NKAIN3: variants seen among roughly 807,000 people sequenced by gnomAD.
NKAIN3 encodes sodium/potassium transporting ATPase interacting 3, also known as sodium/potassium-transporting ATPase subunit beta-1-interacting protein 3.
Under a neutral mutation model 30.2 loss-of-function variants are expected in NKAIN3, and 25 were observed. The ratio of observed to expected loss-of-function variants is 0.83; its 90% CI spans 0.60 to 1.16. The LOEUF is 1.16. Ranked by LOEUF, NKAIN3 falls within the 50% of genes most tolerant of loss-of-function variation. The probability of loss-of-function intolerance (pLI) is 0.00; values close to 1 mark genes in which losing one functional copy is unlikely to be tolerated. For missense variants in NKAIN3, 225 were observed against 254.1 expected, an observed-to-expected ratio of 0.89 and a Z score of 0.78; for synonymous variants, 91 against 89.6, an observed-to-expected ratio of 1.02 and a Z score of -0.09.
intron 4 of NKAIN3, among the ~76,000 whole-genome samples, chr8:62,793,459 T>C (rs1817761217): frequency 6.6e-6 from 1 of 152,216 alleles, no homozygotes; most frequent in African/African-American, 2.4e-5. Context: ...AAACCTGTTT[T>C]GAAATCCTGA....
At position 62,928,374 on chromosome 8, in the gene NKAIN3, T is replaced by C. The variant is rs543878353; in HGVS notation, c.532+9861T>C. On this transcript the variant is annotated intron_variant, in intron 5 of 6. Transcript: ENST00000623646. The stretch of plus-strand genomic sequence containing the variant: ...TCGCTGATTTTAAGTACAGAAAATC[T>C]ATATTAAAGTTAGTGGTATTTTCTG... Among the ~76,000 whole-genome samples the C allele has an allele frequency of 4.6e-5, 7 of 152,316 alleles. No homozygotes were observed. In the South Asian group the frequency reaches 1.2e-3, roughly 27 times the overall value.
intron 4 of NKAIN3, among the ~76,000 whole-genome samples, chr8:62,851,720 G>T (rs972619509): frequency 2.0e-5 from 3 of 152,016 alleles, no homozygotes; most frequent in Non-Finnish European, 4.4e-5. Context: ...ATAATTATAT[G>T]GTTTTTTCAT....
rs551156333 is a variant in NKAIN3, at chr8:62,569,803, C to T, written c.55-9736C>T. On this transcript the variant is annotated intron_variant, in intron 1 of 6. Transcript: ENST00000623646. The stretch of plus-strand genomic sequence containing the variant: ...AAAAAAAAAGCCTACTTCAGTAACC[C>T]AAGACTTATTTGAAATGGCCTAGGA... Among the ~76,000 whole-genome samples, 56 of 151,564 alleles carry T rather than the reference C, an allele frequency of 3.7e-4. 1 individual carries two copies. The highest frequency in any genetic ancestry group is 3.4e-3 in the Middle Eastern group (1 of 290).
intron 4 of NKAIN3, among the ~76,000 whole-genome samples, chr8:62,747,682 A>G (rs778189800): frequency 2.0e-5 from 3 of 152,234 alleles, no homozygotes; most frequent in African/African-American, 7.2e-5. Context: ...TGTGCCAGGG[A>G]TTCCTTAAAA....
rs937251770 is a variant in NKAIN3 at position 62,975,315 on chromosome 8, C to G, written c.*9908C>G. On this transcript the variant is annotated 3_prime_UTR_variant, in exon 7 of 7. Coordinates refer to ENST00000623646, the MANE Select transcript of NKAIN3 (RefSeq NM_001304533.3). ...TGGGCTTTTTTTTTTAGTTGGTCAGCTATTAATTACTGCCTCAATTTCAGA... is the reference window on the plus strand; with the variant it reads ...TGGGCTTTTTTTTTTAGTTGGTCAGGTATTAATTACTGCCTCAATTTCAGA... Among the ~76,000 whole-genome samples, 1 of 151,908 alleles carries G rather than the reference C, an allele frequency of 6.6e-6. No individual in the cohort carries two copies. The highest frequency in any genetic ancestry group is 1.5e-5 in the Non-Finnish European group (1 of 67,986).
intron 1 of NKAIN3, among the ~76,000 whole-genome samples, chr8:62,460,187 G>A (rs1266326147): frequency 2.7e-5 from 4 of 150,750 alleles, no homozygotes; most frequent in Non-Finnish European, 5.9e-5. Context: ...CCGAGGCAGT[G>A]GATCATCTGA....
intron 1 of NKAIN3, among the ~76,000 whole-genome samples, chr8:62,249,939 T>G (rs951024596): frequency 6.6e-6 from 1 of 152,194 alleles, no homozygotes; most frequent in African/African-American, 2.4e-5. Flanking sequence ...TGTGGTCTAT[T>G]CCATGGTCAC....
intron 4 of NKAIN3, among the ~76,000 whole-genome samples, chr8:62,789,963 G>A (rs920106899): frequency 2.0e-5 from 3 of 152,140 alleles, no homozygotes; most frequent in Non-Finnish European, 4.4e-5. Flanking sequence ...CTCATTTTAT[G>A]AGGCCAGCAT....
chr8:62,528,350 T>TATATA (rs1554543421), intron 1 of NKAIN3, among the ~76,000 whole-genome samples: 1 of 137,394 alleles, frequency 7.3e-6, no homozygotes, highest in Admixed American at 7.5e-5. Context: ...AATATATATA[T>TATATA]ATATGACTTT....
intron 1 of NKAIN3, among the ~76,000 whole-genome samples, chr8:62,555,040 A>G (rs1464597836): frequency 6.6e-6 from 1 of 151,402 alleles, no homozygotes; most frequent in Non-Finnish European, 1.5e-5. Context: ...ACACACACAC[A>G]CACACACACA....
At chr8:62,568,878 G>C (rs1809836445) in intron 1 of NKAIN3, among the ~76,000 whole-genome samples, 1 of 152,138 alleles carries the variant, frequency 6.6e-6, no homozygotes, top group Non-Finnish European at 1.5e-5. Context: ...TTTTCACCTA[G>C]AAGAGCTAGT....
intron 1 of NKAIN3, among the ~76,000 whole-genome samples, chr8:62,536,697 A>G (rs1808675589): frequency 1.3e-5 from 2 of 152,268 alleles, no homozygotes; most frequent in African/African-American, 4.8e-5. Context: ...TTTTCTTGTT[A>G]CCTGAATTAA....
chr8:62,818,050 TATC>T (rs1163002365), intron 4 of NKAIN3, among the ~76,000 whole-genome samples: 6 of 152,276 alleles, frequency 3.9e-5, no homozygotes, highest in Admixed American at 3.3e-4. Flanking sequence ...CTAGCACTAA[TATC>T]ATTTTATCTG....
intron 4 of NKAIN3, among the ~76,000 whole-genome samples, chr8:62,824,435 A>G (rs77008889): frequency 0.019 from 2,949 of 152,106 alleles, 42 homozygotes; most frequent in Middle Eastern, 0.065. Context: ...TCTTGGCAAC[A>G]TAAATTTGAA....
intron 3 of NKAIN3, among the ~76,000 whole-genome samples, chr8:62,630,887 A>G (rs1811936375): frequency 6.6e-6 from 1 of 152,130 alleles, no homozygotes; most frequent in African/African-American, 2.4e-5. Context: ...TCATCATATA[A>G]ACAAGCCTCA....
chr8:62,851,872 G>A (rs1430610888), intron 4 of NKAIN3, among the ~76,000 whole-genome samples: 3 of 152,114 alleles, frequency 2.0e-5, no homozygotes, highest in Non-Finnish European at 4.4e-5. Flanking sequence ...ATTTTATTGA[G>A]GATTTTTGCA....
chr8:62,988,216 T>C (rs1824243427), downstream of NKAIN3, among the ~76,000 whole-genome samples: 1 of 152,286 alleles, frequency 6.6e-6, no homozygotes, highest in East Asian at 1.9e-4. Flanking sequence ...TATGAGTGTC[T>C]ATGGCTTTTC....
intron 5 of NKAIN3, among the ~76,000 whole-genome samples, chr8:62,938,626 G>A (rs1041404954): frequency 6.6e-6 from 1 of 152,158 alleles, no homozygotes; most frequent in South Asian, 2.1e-4. Flanking sequence ...AGCTCTGCTG[G>A]ATGGCTAGAC....
rs182492166 is a variant in NKAIN3, at chr8:62,449,766, C to T, written c.55-129773C>T. On this transcript the variant is annotated intron_variant, in intron 1 of 6. Transcript: ENST00000623646. ...TTGATGAGTTTTTGTCTCATTGAGT[C>T]GTCAGAAAACATTGTGTTTATTGGA... is the stretch of plus-strand genomic sequence containing the variant. 1.8e-3 allele frequency among the ~76,000 whole-genome samples: 280 copies of T among 152,096 alleles called. 1 individual carries two copies. Among genetic ancestry groups the T allele is most frequent in the African/African-American group, 6.5e-3 (268 of 41,532 alleles).
Sources: allele counts gnomAD v4.1 joint callset (sites outside exome capture counted in the v4.1 genomes callset), GRCh38; gene constraint gnomAD v4.1.1; transcripts MANE v1.5; gene names NCBI Gene and HGNC (gene_info 2026-07-23, HGNC 2026-07-21).